The following AGMO variants were observed in gnomAD, a reference collection of about 807,000 sequenced individuals.
AGMO encodes the protein alkylglycerol monooxygenase.
A neutral mutation model predicts 60.2 loss-of-function variants in AGMO; 75 were observed. That is an observed-to-expected ratio of 1.25 (90% CI 1.03 to 1.51). The LOEUF is 1.51. AGMO is among the 40% of genes most tolerant of loss of function. The pLI, the probability that AGMO is intolerant of heterozygous loss-of-function variation, is 0.00. For missense variants in AGMO, 763 were observed against 525.5 expected (o/e 1.45, Z -4.42); for synonymous variants, 261 against 177.1 (o/e 1.47, Z -3.76).
chr7:15,294,613 T>G (rs1784362929), intron 12 of AGMO, among the ~76,000 whole-genome samples: 1 of 151,944 alleles, frequency 6.6e-6, no homozygotes, highest in Admixed American at 6.6e-5. Flanking sequence ...TGTGAATAAT[T>G]TAAGATAAAG....
chr7:15,265,595 T>C (rs1008818834), intron 12 of AGMO, among the ~76,000 whole-genome samples: 1 of 151,562 alleles, frequency 6.6e-6, no homozygotes, highest in Non-Finnish European at 1.5e-5. Context: ...CTCACACCCA[T>C]TAGGCTGGAT....
chr7:15,121,634 G>A, the AGMO span, among the ~76,000 whole-genome samples: 17 of 151,970 alleles, frequency 1.1e-4, no homozygotes, highest in African/African-American at 3.9e-4. Flanking sequence ...ACAATCCTAA[G>A]CTAAAAGAAC....
chr7:15,335,592 T>C (rs1189399554), intron 12 of AGMO, among the ~76,000 whole-genome samples: 2 of 152,134 alleles, frequency 1.3e-5, no homozygotes, highest in Non-Finnish European at 2.9e-5. Context: ...CCTGCCAGCA[T>C]CTTTGTGCAG....
chr7:15,467,176 C>A (rs1782316933), intron 3 of AGMO, among the ~76,000 whole-genome samples: 1 of 152,118 alleles, frequency 6.6e-6, no homozygotes, highest in Non-Finnish European at 1.5e-5. Context: ...GCAATCCAGA[C>A]AACAATAAAA....
At chr7:15,130,451 T>C in the AGMO span, among the ~76,000 whole-genome samples, 3 of 152,044 alleles carry the variant, frequency 2.0e-5, no homozygotes, top group Non-Finnish European at 4.4e-5. Context: ...TCTCCACTCC[T>C]CACTCTCCAC....
At chr7:15,371,493 C>T (rs1274391567) in intron 10 of AGMO, among the ~76,000 whole-genome samples, 1 of 152,052 alleles carries the variant, frequency 6.6e-6, no homozygotes, top group Non-Finnish European at 1.5e-5. Flanking sequence ...TGGGTTCAAG[C>T]AATTCACCTG....
chr7:15,150,457 T>C, the AGMO span, among the ~76,000 whole-genome samples: 1 of 152,226 alleles, frequency 6.6e-6, no homozygotes, highest in East Asian at 1.9e-4. Flanking sequence ...AGATGGCTCT[T>C]ATTATTTTGA....
intron 3 of AGMO, among the ~76,000 whole-genome samples, chr7:15,492,202 T>C (rs1783084674): frequency 6.6e-6 from 1 of 152,136 alleles, no homozygotes; most frequent in Non-Finnish European, 1.5e-5. Context: ...AGCTAGAATC[T>C]AATTATCAAA....
intron 8 of AGMO, among the ~76,000 whole-genome samples, chr7:15,389,181 GA>G (rs1230796307): frequency 6.6e-6 from 1 of 152,174 alleles, no homozygotes; most frequent in Non-Finnish European, 1.5e-5. Context: ...GGCTTGTTTA[GA>G]AAACACAGGA....
the AGMO span, among the ~76,000 whole-genome samples, chr7:15,138,683 T>C: frequency 6.6e-6 from 1 of 152,198 alleles, no homozygotes; most frequent in African/African-American, 2.4e-5. Context: ...TTTCAATACT[T>C]ACCCGTTCAC....
rs923923520 is a variant in AGMO, at chr7:15,211,238, G to A, written c.1264-9879C>T. The stretch of plus-strand genomic sequence containing the variant: ...TTGACTTACTTTTTTAAATTATAAA[G>A]TATTATAAGAATATAAGAGAGACTA... On this transcript the variant is annotated intron_variant, in intron 12 of 12. Transcript: ENST00000342526. Among the ~76,000 whole-genome samples the A allele has an allele frequency of 9.2e-5, 14 of 151,910 alleles. 1 individual carries two copies. The highest frequency in any genetic ancestry group is 3.1e-4 in the African/African-American group (13 of 41,402).
intron 12 of AGMO, among the ~76,000 whole-genome samples, chr7:15,284,167 G>C (rs896948942): frequency 6.6e-6 from 1 of 151,590 alleles, no homozygotes; most frequent in African/African-American, 2.4e-5. Flanking sequence ...TCATACCTCA[G>C]GCAACCAGAG....
Position 15,408,026 on chromosome 7 carries a change from G to A in AGMO, c.609+10532C>T, listed in dbSNP as rs573001203. 3.3e-5 allele frequency among the ~76,000 whole-genome samples: 5 copies of A among 152,020 alleles called. No individual in the cohort carries two copies. The South Asian group carries it at 1.0e-3, about 32-fold the overall frequency. On this transcript the variant is annotated intron_variant, in intron 5 of 12. Coordinates refer to ENST00000342526, the MANE Select transcript of AGMO (RefSeq NM_001004320.2). ...AAGTGCATCGAGCTCTTACTAGGAG[G>A]TAAAAGAAAGATGTTGCAGAGGAAG...
chr7:15,174,985 G>A, the AGMO span, among the ~76,000 whole-genome samples: 1 of 148,496 alleles, frequency 6.7e-6, no homozygotes, highest in Non-Finnish European at 1.5e-5. Flanking sequence ...GAATGAATGA[G>A]TTTTAAAGGA....
chr7:15,446,561 C>T (rs967488267), intron 3 of AGMO, among the ~76,000 whole-genome samples: 1 of 152,198 alleles, frequency 6.6e-6, no homozygotes, highest in Non-Finnish European at 1.5e-5. Context: ...GAAACACACA[C>T]ATACTTTGAG....
At chr7:15,168,195 G>C in the AGMO span, among the ~76,000 whole-genome samples, 3 of 152,216 alleles carry the variant, frequency 2.0e-5, no homozygotes, top group Non-Finnish European at 4.4e-5. Flanking sequence ...CATATGCTTA[G>C]TTTGATTTTA....
At chr7:15,546,044 C>T (rs1043421381) in intron 2 of AGMO, among the ~76,000 whole-genome samples, 7 of 151,920 alleles carry the variant, frequency 4.6e-5, no homozygotes, top group Non-Finnish European at 8.8e-5. Context: ...ACAGTATTTC[C>T]CTTCACAGAG....
chr7:15,383,102 T>C (rs1783759977), intron 10 of AGMO, among the ~76,000 whole-genome samples: 2 of 152,098 alleles, frequency 1.3e-5, no homozygotes, highest in African/African-American at 2.4e-5. Context: ...TAGGACCACA[T>C]ACATAGATTC....
chr7:15,421,453 T>C (rs1363387270), intron 4 of AGMO, among the ~76,000 whole-genome samples: 14 of 152,100 alleles, frequency 9.2e-5, no homozygotes, highest in Admixed American at 9.2e-4. Context: ...AATATAAAAA[T>C]ATGTTTGGAA....
Sources: allele counts gnomAD v4.1 joint callset (sites outside exome capture counted in the v4.1 genomes callset), GRCh38; gene constraint gnomAD v4.1.1; transcripts MANE v1.5; gene names NCBI Gene and HGNC (gene_info 2026-07-23, HGNC 2026-07-21).